LTF: variants seen among roughly 807,000 people sequenced by gnomAD.
LTF encodes epididymis luminal protein 110.
In LTF, 91 loss-of-function variants were observed where a neutral mutation model predicts 87.2. The observed-to-expected ratio is 1.04, with a 90% CI of 0.88 to 1.24. The LOEUF is 1.24. Among genes scored for constraint, LTF ranks in the 50% most tolerant of loss-of-function variants. The probability of loss-of-function intolerance (pLI) is 0.00; values close to 1 mark genes in which losing one functional copy is unlikely to be tolerated. For missense variants in LTF, 901 were observed against 904.3 expected (o/e 1.00, Z 0.05); for synonymous variants, 378 against 356.1 (o/e 1.06, Z -0.69).
At chr3:46,471,652 G>T (rs1559611381) in intron 1 of LTF, among the ~76,000 whole-genome samples, 1 of 152,204 alleles carries the variant, frequency 6.6e-6, no homozygotes, top group South Asian at 2.1e-4. Context: ...CGGGCCACCC[G>T]ATGGCCCCTA....
At chr3:46,454,084 G>C (rs763607683) in intron 6 of LTF, 12 of 564,224 alleles carry the variant, frequency 2.1e-5, no homozygotes, top group Non-Finnish European at 3.5e-5. Flanking sequence ...AAGCACCTAG[G>C]CATGGGTGTC....
intron 1 of LTF, among the ~76,000 whole-genome samples, chr3:46,461,724 G>T (rs13070740): frequency 6.6e-6 from 1 of 151,860 alleles, no homozygotes. Context: ...TTGCACACTC[G>T]GTAAGGTTAC....
chr3:46,461,494 G>T (rs990172451), intron 1 of LTF, among the ~76,000 whole-genome samples: 5 of 152,128 alleles, frequency 3.3e-5, no homozygotes, highest in Non-Finnish European at 5.9e-5. Flanking sequence ...CAACATGAAC[G>T]AGCCTCAGTT....
At chr3:46,483,748 T>A (rs1703481742) in intron 1 of LTF, among the ~76,000 whole-genome samples, 1 of 152,178 alleles carries the variant, frequency 6.6e-6, no homozygotes, top group Non-Finnish European at 1.5e-5. Flanking sequence ...ACACAAATAT[T>A]AATTGTGCAT....
At chr3:46,448,774 CTT>C in intron 9 of LTF, 87 bp downstream of exon 9, 2 of 1,521,004 alleles carry the variant, frequency 1.3e-6, no homozygotes, top group Non-Finnish European at 1.8e-6. Context: ...CCCGTGGCCT[CTT>C]TGACTGTTGA....
At chr3:46,466,024 A>C (rs1703206183), upstream of LTF, among the ~76,000 whole-genome samples, 2 of 152,182 alleles carry the variant, frequency 1.3e-5, no homozygotes, top group South Asian at 4.1e-4. Context: ...GGATCGCTTG[A>C]GCCCAGGAGT....
In LTF at chr3:46,438,008, G is replaced by A. The variant is rs199678659; in HGVS notation, c.2030C>T (p.Thr677Ile). 1.4e-4 allele frequency: 227 copies of A among 1,613,710 alleles called. No homozygotes were observed. The highest frequency in any genetic ancestry group is 1.1e-4 in the Non-Finnish European group (135 of 1,179,952). The change falls in exon 16 of 17, where the codon ACA (threonine) becomes ATA (isoleucine). Residue 677 changes from threonine (T) to isoleucine (I), a missense_variant. Coordinates refer to ENST00000231751, the MANE Select transcript of LTF (RefSeq NM_002343.6). Reference sequence around the variant, plus strand: ...CTGTGGTCCCAAATATTTTTCATATGTTGTTTTGCCATGGAGTCTGGCCAG... The same window carrying A: ...CTGTGGTCCCAAATATTTTTCATATATTGTTTTGCCATGGAGTCTGGCCAG... ...ECLARLHGKT[T>I]YEKYLGPQYV...
chr3:46,482,558 GGGAAGGGA>G (rs1703449854), intron 1 of LTF, among the ~76,000 whole-genome samples: 9 of 78,104 alleles, frequency 1.2e-4, no homozygotes, highest in Non-Finnish European at 1.7e-4. Context: ...GGGAAGGGAA[GGGAAGGGA>G]AGGGAAAGGA....
At chr3:46,464,925 C>A (rs1430859124), upstream of LTF, 31 of 1,568,978 alleles carry the variant, frequency 2.0e-5, 1 homozygote, top group South Asian at 3.2e-4. Flanking sequence ...GCCTGCCCTG[C>A]GCCCCTTTAT....
At chr3:46,457,892 C>T (rs1702977390) in intron 2 of LTF, among the ~76,000 whole-genome samples, 1 of 152,094 alleles carries the variant, frequency 6.6e-6, no homozygotes, top group Admixed American at 6.5e-5. Flanking sequence ...ATTCTCTTGC[C>T]TCAGCCTCCT....
At chr3:46,472,287 A>C (rs916970269) in intron 1 of LTF, among the ~76,000 whole-genome samples, 2 of 151,854 alleles carry the variant, frequency 1.3e-5, no homozygotes, top group Non-Finnish European at 1.5e-5. Context: ...AGCTACAGAG[A>C]GTTCTCATCC....
chr3:46,465,052 G>A, upstream of LTF: 1 of 641,704 alleles, frequency 1.6e-6, no homozygotes, highest in Non-Finnish European at 2.8e-6. Context: ...GGCAGGACAG[G>A]ACTCCACACC....
At chr3:46,451,275 A>G (rs1285490126) in intron 6 of LTF, among the ~76,000 whole-genome samples, 1 of 152,236 alleles carries the variant, frequency 6.6e-6, no homozygotes, top group African/African-American at 2.4e-5. Flanking sequence ...TCAAAATCAG[A>G]AAAAGTATAG....
chr3:46,449,656 C>T (rs746825250), intron 8 of LTF, among the ~76,000 whole-genome samples, 198 bp downstream of exon 8: 5 of 152,228 alleles, frequency 3.3e-5, no homozygotes, highest in Admixed American at 6.5e-5. Flanking sequence ...GGGAGCCTGA[C>T]GTGCACTGAT....
chr3:46,455,694 G>C, intron 4 of LTF, 102 bp downstream of exon 4: 1 of 1,375,256 alleles, frequency 7.3e-7, no homozygotes, highest in Non-Finnish European at 9.9e-7. Context: ...CCCCCACCTT[G>C]ATTCATCCCA....
At chr3:46,468,961 C>T (rs1026250019), upstream of LTF, among the ~76,000 whole-genome samples, 2 of 152,242 alleles carry the variant, frequency 1.3e-5, no homozygotes, top group Non-Finnish European at 2.9e-5. Context: ...CAGCACACAG[C>T]TGCCTACGTT....
At position 46,437,926 on chromosome 3, in the gene LTF, T is replaced by A; in HGVS notation, c.2098+14A>T. ...ATGGTGGTTTCTCGGGGATGCTAGC[T>A]AGGGTCTACTTACGGGAGGTTGAGC... On this transcript the variant is annotated intron_variant, in intron 16 of 16. Transcript: ENST00000231751. 1.2e-6 allele frequency: 2 copies of A among 1,611,576 alleles called. No individual in the cohort carries two copies. The highest frequency in any genetic ancestry group is 1.7e-6 in the Non-Finnish European group (2 of 1,178,700).
intron 1 of LTF, chr3:46,460,653 C>G (rs545430462): frequency 5.1e-5 from 23 of 451,550 alleles, no homozygotes; most frequent in Middle Eastern, 6.5e-4. Context: ...CACCTAAGAT[C>G]AGGAATGATG....
At chr3:46,436,289 T>C (rs1702385394) in intron 16 of LTF, 60 bp from the exon 17 acceptor site, 2 of 1,458,750 alleles carry the variant, frequency 1.4e-6, no homozygotes, top group South Asian at 1.1e-5. Context: ...AACCAGTTAT[T>C]TAATCCAATA....
Sources: gnomAD v4.1 joint callset for allele counts (sites outside exome capture counted in the v4.1 genomes callset) on GRCh38, gnomAD v4.1.1 for gene constraint, MANE v1.5 for transcripts, NCBI Gene and HGNC (gene_info 2026-07-23, HGNC 2026-07-21) for gene names.